Variants in PBLD observed in about 807,000 individuals in gnomAD.
PBLD encodes the protein phenazine biosynthesis like protein domain containing.
PBLD carries 26 observed loss-of-function variants against 31.3 expected under a neutral mutation model. The ratio of observed to expected loss-of-function variants is 0.83; its 90% CI spans 0.61 to 1.15. The LOEUF (loss-of-function observed/expected upper bound fraction) is 1.15, where lower values mean the gene tolerates loss of function less well. Ranked by LOEUF, PBLD falls within the 50% of genes most tolerant of loss-of-function variation. The probability of loss-of-function intolerance (pLI) is 0.00; values close to 1 mark genes in which losing one functional copy is unlikely to be tolerated. For synonymous variants in PBLD, 114 were observed against 129.0 expected (o/e 0.88, Z 0.79); for missense variants, 307 against 351.7 (o/e 0.87, Z 1.02).
chr10:68,295,526 C>G (rs2044413225), intron 4 of PBLD, among the ~76,000 whole-genome samples: 1 of 151,534 alleles, frequency 6.6e-6, no homozygotes, highest in Admixed American at 6.6e-5. Context: ...ATTGAAGAAT[C>G]TCTTATTGTG....
At chr10:68,292,512 C>CTTTTTTTTTTTTTTTTTT (rs66894235) in intron 4 of PBLD, among the ~76,000 whole-genome samples, 1 of 147,168 alleles carries the variant, frequency 6.8e-6, no homozygotes. Context: ...ACTTAGCCTC[C>CTTTTTTTTTTTTTTTTTT]TTTTTTTTTT....
chr10:68,312,507 C>G (rs947521773), intron 1 of PBLD, among the ~76,000 whole-genome samples: 4 of 151,318 alleles, frequency 2.6e-5, no homozygotes, highest in Non-Finnish European at 5.9e-5. Context: ...TATTTGGATA[C>G]TTTGCCTTTT....
At chr10:68,327,017 A>G (rs1412030376) in intron 1 of PBLD, among the ~76,000 whole-genome samples, 1 of 152,124 alleles carries the variant, frequency 6.6e-6, no homozygotes, top group Non-Finnish European at 1.5e-5. Context: ...ACTGCACTCC[A>G]GTCTGGCGAC....
intron 1 of PBLD, among the ~76,000 whole-genome samples, chr10:68,315,078 C>T (rs1564735777): frequency 6.6e-6 from 1 of 152,158 alleles, no homozygotes. Flanking sequence ...GTGTGAGCCA[C>T]CGTGCCCGGC....
intron 1 of PBLD, among the ~76,000 whole-genome samples, chr10:68,322,282 G>T (rs2134537653): frequency 6.6e-6 from 1 of 152,220 alleles, no homozygotes; most frequent in East Asian, 1.9e-4. Flanking sequence ...ATGTAATGTG[G>T]TATCCTGGAT....
intron 2 of PBLD, among the ~76,000 whole-genome samples, chr10:68,299,249 A>C (rs1284635954): frequency 1.3e-5 from 2 of 151,918 alleles, no homozygotes; most frequent in Non-Finnish European, 2.9e-5. Context: ...ATTTTGGCCA[A>C]ATTTATTGCT....
intron 2 of PBLD, among the ~76,000 whole-genome samples, chr10:68,298,343 C>G (rs1205033378): frequency 6.6e-6 from 1 of 151,902 alleles, no homozygotes; most frequent in Non-Finnish European, 1.5e-5. Context: ...TGCCTATAAT[C>G]CCAGCACTTT....
At chr10:68,329,738 C>A (rs1450480873) in intron 1 of PBLD, among the ~76,000 whole-genome samples, 2 of 152,188 alleles carry the variant, frequency 1.3e-5, no homozygotes, top group African/African-American at 4.8e-5. Context: ...AACCACAGGT[C>A]TCCTGAAATG....
chr10:68,297,346 C>T (rs1220537606), intron 2 of PBLD, among the ~76,000 whole-genome samples: 5 of 152,146 alleles, frequency 3.3e-5, no homozygotes, highest in South Asian at 2.1e-4. Flanking sequence ...CTGGTGAAAG[C>T]GAGGTTCAGC....
At chr10:68,308,924 G>A (rs925802134) in intron 1 of PBLD, among the ~76,000 whole-genome samples, 20 of 146,186 alleles carry the variant, frequency 1.4e-4, no homozygotes, top group African/African-American at 2.5e-4. Context: ...TTTTAATCTT[G>A]GTTCCATTTA....
intron 1 of PBLD, among the ~76,000 whole-genome samples, chr10:68,316,125 A>C (rs1218617771): frequency 6.6e-6 from 1 of 152,190 alleles, no homozygotes; most frequent in African/African-American, 2.4e-5. Context: ...AAGAGTAGTT[A>C]ATAAAAACTG....
chr10:68,306,503 T>C (rs1347369962), intron 2 of PBLD, among the ~76,000 whole-genome samples: 1 of 152,198 alleles, frequency 6.6e-6, no homozygotes, highest in East Asian at 1.9e-4. Flanking sequence ...AAAAGGGAGC[T>C]CTAGCTCTTC....
intron 2 of PBLD, among the ~76,000 whole-genome samples, chr10:68,305,574 C>T (rs763477421): frequency 1.2e-4 from 19 of 152,136 alleles, no homozygotes; most frequent in Admixed American, 3.9e-4. Flanking sequence ...GCCAACATAA[C>T]GAAACCCCAT....
At chr10:68,314,441 G>C (rs754949356) in intron 1 of PBLD, among the ~76,000 whole-genome samples, 1 of 152,120 alleles carries the variant, frequency 6.6e-6, no homozygotes, top group Non-Finnish European at 1.5e-5. Flanking sequence ...TCTCTCCCCA[G>C]CTACATGATA....
At chr10:68,311,334 C>T (rs907679495) in intron 1 of PBLD, among the ~76,000 whole-genome samples, 1 of 152,068 alleles carries the variant, frequency 6.6e-6, no homozygotes. Flanking sequence ...TACCTGTAAT[C>T]CCAGCACTTT....
intron 1 of PBLD, among the ~76,000 whole-genome samples, chr10:68,320,407 G>A (rs1430976376): frequency 3.3e-5 from 5 of 152,062 alleles, no homozygotes; most frequent in Non-Finnish European, 7.4e-5. Context: ...GGAGAAACAG[G>A]CAATTCAACA....
intron 2 of PBLD, among the ~76,000 whole-genome samples, chr10:68,297,821 G>A (rs2134451086): frequency 6.6e-6 from 1 of 152,198 alleles, no homozygotes; most frequent in South Asian, 2.1e-4. Context: ...AAGAATGAGA[G>A]CTTAGTTAGG....
At chr10:68,302,533 T>C (rs1320430385) in intron 2 of PBLD, among the ~76,000 whole-genome samples, 1 of 152,140 alleles carries the variant, frequency 6.6e-6, no homozygotes, top group African/African-American at 2.4e-5. Context: ...ATCAAGGAAG[T>C]GGCAAACTTG....
chr10:68,300,992 G>A (rs1197802884), intron 2 of PBLD, among the ~76,000 whole-genome samples: 1 of 152,084 alleles, frequency 6.6e-6, no homozygotes, highest in Non-Finnish European at 1.5e-5. Flanking sequence ...TGCCTCCCAG[G>A]TTCAAGTGAT....
Sources: allele counts gnomAD v4.1 joint callset (sites outside exome capture counted in the v4.1 genomes callset), GRCh38; gene constraint gnomAD v4.1.1; transcripts MANE v1.5; gene names NCBI Gene and HGNC (gene_info 2026-07-23, HGNC 2026-07-21).